GIGYF2: variants seen among roughly 807,000 people sequenced by gnomAD.
GIGYF2 encodes the protein GRB10-interacting GYF protein 2.
In GIGYF2, 25 loss-of-function variants were observed where a neutral mutation model predicts 208.1. The observed-to-expected ratio is 0.12, with a 90% CI of 0.09 to 0.17. The LOEUF (loss-of-function observed/expected upper bound fraction) is 0.17, where lower values mean the gene tolerates loss of function less well. GIGYF2 is among the 10% of genes least tolerant of loss of function. The probability of loss-of-function intolerance (pLI) is 1.00; values close to 1 mark genes in which losing one functional copy is unlikely to be tolerated. For synonymous variants in GIGYF2, 534 were observed against 543.8 expected (o/e 0.98, Z 0.25); for missense variants, 1,302 against 1,579.4 (o/e 0.82, Z 2.98).
intron 22 of GIGYF2, among the ~76,000 whole-genome samples, chr2:232,833,497 T>C (rs1349317736): frequency 6.6e-6 from 1 of 152,258 alleles, no homozygotes; most frequent in Non-Finnish European, 1.5e-5. Flanking sequence ...ATTAGTACTT[T>C]GGTTTTTTGA....
At chr2:232,778,127 G>T (rs1252855989) in intron 8 of GIGYF2, among the ~76,000 whole-genome samples, 1 of 151,752 alleles carries the variant, frequency 6.6e-6, no homozygotes, top group Non-Finnish European at 1.5e-5. Flanking sequence ...GTAGAGGCAG[G>T]GTCTTGCTGT....
At chr2:232,821,928 A>G (rs1172889775) in intron 21 of GIGYF2, among the ~76,000 whole-genome samples, 1 of 147,898 alleles carries the variant, frequency 6.8e-6, no homozygotes, top group African/African-American at 2.5e-5. Context: ...GTCAAAGTCA[A>G]TTGTATAAAT....
chr2:232,802,781 GCTTC>G (rs1182097349), intron 14 of GIGYF2, among the ~76,000 whole-genome samples: 2 of 152,024 alleles, frequency 1.3e-5, no homozygotes, highest in African/African-American at 4.8e-5. Flanking sequence ...AGGTAATCTT[GCTTC>G]CTTTTCAGTT....
At chr2:232,730,950 C>T (rs1574811675) in intron 2 of GIGYF2, among the ~76,000 whole-genome samples, 1 of 137,034 alleles carries the variant, frequency 7.3e-6, no homozygotes, top group Non-Finnish European at 1.6e-5. Context: ...AAATAATTTT[C>T]TTACAGAAAC....
chr2:232,778,204 G>A lies in GIGYF2; in HGVS notation c.533-8946G>A, dbSNP rs144065685. On this transcript the variant is annotated intron_variant, in intron 8 of 28. Coordinates refer to ENST00000373563, the MANE Select transcript of GIGYF2 (RefSeq NM_001103146.3). The stretch of plus-strand genomic sequence containing the variant: ...TCTCAATTCAGCCTCCCAAATTCCT[G>A]GGATTACAGGCATGAGCCACTTCAC... Among the ~76,000 whole-genome samples, 677 of 152,142 alleles carry A rather than the reference G, an allele frequency of 4.4e-3. 4 individuals carry two copies. The highest frequency in any genetic ancestry group is 0.016 in the African/African-American group (647 of 41,470).
chr2:232,747,039 AAT>A (rs1360684287), intron 3 of GIGYF2, among the ~76,000 whole-genome samples: 1 of 152,166 alleles, frequency 6.6e-6, no homozygotes, highest in East Asian at 1.9e-4. Context: ...TTTATATAAA[AAT>A]TATCATTACT....
chr2:232,833,700 A>G (rs1159077143), intron 22 of GIGYF2, among the ~76,000 whole-genome samples: 5 of 152,196 alleles, frequency 3.3e-5, no homozygotes, highest in Non-Finnish European at 7.3e-5. Context: ...ACAAACATAA[A>G]TGAGACAAGG....
intron 14 of GIGYF2, among the ~76,000 whole-genome samples, chr2:232,797,685 C>G (rs773051084): frequency 2.0e-5 from 3 of 152,002 alleles, no homozygotes; most frequent in Non-Finnish European, 2.9e-5. Context: ...TTTGTATGGT[C>G]AAGATTCAGA....
chr2:232,768,197 TGTCA>T, intron 8 of GIGYF2: 2 of 1,614,084 alleles, frequency 1.2e-6, no homozygotes, highest in Non-Finnish European at 8.5e-7. Flanking sequence ...AGTCTTATTC[TGTCA>T]GTCCTGTTTC....
chr2:232,704,928 C>G lies in GIGYF2; in HGVS notation c.-44+1439C>G, dbSNP rs959574043. Among the ~76,000 whole-genome samples, 5 of 136,924 alleles carry G rather than the reference C, an allele frequency of 3.7e-5. No homozygotes were observed. The Admixed American group carries it at 4.0e-4, about 11-fold the overall frequency. 89.8% of individuals were successfully genotyped at this position (136,924 alleles called of 152,430 possible). On this transcript the variant is annotated intron_variant, in intron 2 of 28. Coordinates refer to ENST00000373563, the MANE Select transcript of GIGYF2 (RefSeq NM_001103146.3). ...AGGCTGGAGTGCAGTGGCGCGATCT[C>G]TGCTCACTGCAAGCTCCGCCTCCCG...
intron 21 of GIGYF2, among the ~76,000 whole-genome samples, chr2:232,826,724 A>G (rs1194547241): frequency 6.6e-6 from 1 of 152,240 alleles, no homozygotes; most frequent in Non-Finnish European, 1.5e-5. Flanking sequence ...GGCAAAGGAT[A>G]TGATTGACTC....
chr2:232,829,385 A>AT (rs1189891173), intron 21 of GIGYF2, among the ~76,000 whole-genome samples: 2 of 152,038 alleles, frequency 1.3e-5, no homozygotes, highest in Non-Finnish European at 2.9e-5. Flanking sequence ...GTATCTACTG[A>AT]TTTTTATAAT....
intron 5 of GIGYF2, among the ~76,000 whole-genome samples, chr2:232,749,842 T>C (rs1315309871): frequency 1.3e-5 from 2 of 151,988 alleles, no homozygotes; most frequent in Non-Finnish European, 2.9e-5. Context: ...ATCCTGGGCA[T>C]TGGAAAGAGA....
Position 232,803,833 on chromosome 2 carries a change from G to A in GIGYF2, c.1640-2658G>A, listed in dbSNP as rs1403457059. 4.6e-5 allele frequency among the ~76,000 whole-genome samples: 3 copies of A among 65,242 alleles called. 1 individual carries two copies. The highest frequency in any genetic ancestry group is 8.3e-5 in the Non-Finnish European group (3 of 36,250). The allele number at this position is 65,242 out of a possible 152,430, so 42.8% of individuals were successfully genotyped here. ...CTCCCGAGTAGCTGGGACTACAGGC[G>A]CCCGCCACCGCGCCCGGCTAATTTT... On this transcript the variant is annotated intron_variant, in intron 14 of 28. Coordinates refer to ENST00000373563, the MANE Select transcript of GIGYF2 (RefSeq NM_001103146.3).
intron 2 of GIGYF2, among the ~76,000 whole-genome samples, chr2:232,708,941 A>G (rs933866929): frequency 6.6e-6 from 1 of 152,020 alleles, no homozygotes; most frequent in Non-Finnish European, 1.5e-5. Context: ...GGCAACATGG[A>G]GAATCTCCAT....
intron 3 of GIGYF2, among the ~76,000 whole-genome samples, chr2:232,739,192 C>A (rs1055283320): frequency 6.6e-6 from 1 of 151,098 alleles, no homozygotes; most frequent in Non-Finnish European, 1.5e-5. Flanking sequence ...AACCCCACCT[C>A]TACTAAAAAT....
At chr2:232,698,573 C>G (rs1201200915) in intron 1 of GIGYF2, among the ~76,000 whole-genome samples, 2 of 152,118 alleles carry the variant, frequency 1.3e-5, no homozygotes, top group African/African-American at 4.8e-5. Context: ...TCCATTTTGC[C>G]TAGAACACAA....
Position 232,806,417 on chromosome 2 carries a change from G to A in GIGYF2, c.1640-74G>A, listed in dbSNP as rs1700564524. ...GATGCCACCTCGATGAGAATCAGAT[G>A]CAGGAAATATTTTTTTTCTCTTTGA... On this transcript the variant is annotated intron_variant, in intron 14 of 28. Transcript: ENST00000373563. This position sits in a 1 kb window ranked among gnomAD's most constrained non-coding sequence, Gnocchi z 4.0. 9.8e-7 allele frequency: 1 copy of A among 1,019,386 alleles called. No homozygotes were observed. The highest frequency in any genetic ancestry group is 1.6e-6 in the Non-Finnish European group (1 of 637,564). 63.1% of individuals were successfully genotyped at this position (1,019,386 alleles called of 1,614,324 possible).
intron 8 of GIGYF2, among the ~76,000 whole-genome samples, chr2:232,786,829 T>G (rs958247043): frequency 1.3e-5 from 2 of 152,158 alleles, no homozygotes; most frequent in African/African-American, 4.8e-5. Context: ...TGGAAAGACT[T>G]TATAAGAAAC....
Sources: gnomAD v4.1 joint callset for allele counts (sites outside exome capture counted in the v4.1 genomes callset) on GRCh38, gnomAD v4.1.1 for gene constraint, Gnocchi (gnomAD v3.1) non-coding constraint, MANE v1.5 for transcripts, NCBI Gene and HGNC (gene_info 2026-07-23, HGNC 2026-07-21) for gene names.